CRYBG1: variants seen among roughly 807,000 people sequenced by gnomAD.
CRYBG1 encodes the protein beta/gamma crystallin domain-containing protein 1.
Under a neutral mutation model 189.2 loss-of-function variants are expected in CRYBG1, and 139 were observed. The ratio of observed to expected loss-of-function variants is 0.73; its 90% CI spans 0.64 to 0.85. CRYBG1 has a LOEUF of 0.85. CRYBG1 is among the 40% of genes least tolerant of loss of function. The pLI, the probability that CRYBG1 is intolerant of heterozygous loss-of-function variation, is 0.00. For synonymous variants in CRYBG1, 1,023 were observed against 1,017.1 expected (o/e 1.01, Z -0.11); for missense variants, 2,611 against 2,675.8 (o/e 0.98, Z 0.53).
At chr6:106,455,434 T>TGAG (rs1391085025) in intron 2 of CRYBG1, among the ~76,000 whole-genome samples, 1 of 151,700 alleles carries the variant, frequency 6.6e-6, no homozygotes, top group East Asian at 1.9e-4. Context: ...GATTCCACTA[T>TGAG]GAGGAGGTAT....
In CRYBG1 at chr6:106,543,531, A is replaced by C; in HGVS notation, c.4973A>C (p.Glu1658Ala). 6.2e-7 allele frequency: 1 copy of C among 1,614,140 alleles called. No individual in the cohort carries two copies. The highest frequency in any genetic ancestry group is 8.5e-7 in the Non-Finnish European group (1 of 1,179,974). The change falls in exon 11 of 22, where the codon GAA (glutamate) becomes GCA (alanine). Residue 1658 changes from glutamate to alanine, a missense_variant. Physicochemically the swap from Glu to Ala is moderately radical, Grantham distance 107 (BLOSUM62 -1). Transcript: ENST00000633556. ...CSFVMEGGET[E>A]EATGDDHLPF... ...TTTGTCATGGAGGGAGGTGAAACAG[A>C]AGAGGCGACTGGAGACGATCATTTG... is the stretch of plus-strand genomic sequence containing the variant.
Position 106,558,580 on chromosome 6 carries a change from T to G in CRYBG1, c.5810T>G (p.Leu1937Arg). ...LNAETVNLRS[L>R]GFNTQIRSVQ... ...GCAGAAACTGTCAATCTCCGATCCC[T>G]GGGATTCAACACACAAATACGCTCT... The change falls in exon 18 of 22, where the codon CTG (leucine) becomes CGG (arginine). Residue 1937 changes from leucine (L) to arginine (R), a missense_variant. Physicochemically the swap from Leu to Arg is moderately radical, Grantham distance 102 (BLOSUM62 -2). This residue lies in a region of CRYBG1 where 1,622 missense variants were observed against 1,735.0 expected (regional missense o/e 0.93). Transcript: ENST00000633556. 1 of 1,613,712 alleles carries G rather than the reference T, an allele frequency of 6.2e-7. No homozygotes were observed. The highest frequency in any genetic ancestry group is 8.5e-7 in the Non-Finnish European group (1 of 1,179,772).
At chr6:106,509,587 G>T (rs1773202538) in intron 2 of CRYBG1, among the ~76,000 whole-genome samples, 1 of 152,116 alleles carries the variant, frequency 6.6e-6, no homozygotes, top group African/African-American at 2.4e-5. Flanking sequence ...AAGACCAGGA[G>T]AGTCTTAGAA....
At chr6:106,413,913 C>T (rs1159394230) in intron 1 of CRYBG1, among the ~76,000 whole-genome samples, 1 of 152,152 alleles carries the variant, frequency 6.6e-6, no homozygotes, top group Non-Finnish European at 1.5e-5. Context: ...TTTAGGTTTT[C>T]TTGCAAAGGA....
chr6:106,465,498 G>A (rs1471678422), intron 2 of CRYBG1, among the ~76,000 whole-genome samples: 1 of 152,158 alleles, frequency 6.6e-6, no homozygotes, highest in East Asian at 1.9e-4. Flanking sequence ...TGAGGGGAGA[G>A]GAACTCAGGC....
At chr6:106,370,940 T>A (rs1345061708) in intron 1 of CRYBG1, among the ~76,000 whole-genome samples, 2 of 152,188 alleles carry the variant, frequency 1.3e-5, no homozygotes, top group Non-Finnish European at 2.9e-5. Flanking sequence ...ACCTATAGTC[T>A]GGTTATTGAC....
intron 9 of CRYBG1, among the ~76,000 whole-genome samples, chr6:106,540,705 T>G (rs1180827096): frequency 6.6e-6 from 1 of 152,114 alleles, no homozygotes; most frequent in African/African-American, 2.4e-5. Context: ...TTTTTTTGCT[T>G]GTTTTTTCAT....
In CRYBG1 at chr6:106,521,014, C is replaced by T; in HGVS notation, c.3806C>T (p.Ala1269Val). Residue 1269 changes from alanine (A) to valine (V), a missense_variant, in exon 4 of 22, where the codon GCT (alanine) becomes GTT (valine). Around this residue, in one of 3 missense-constraint regions of CRYBG1, gnomAD observed 1,622 missense variants for 1,735.0 expected, o/e 0.93. Transcript: ENST00000633556. Reference protein sequence around the residue: ...SVTSVNTMTTAFSTSQNGSLS... With the variant: ...SVTSVNTMTTVFSTSQNGSLS... ...ACATCAGTCAACACTATGACCACGG[C>T]TTTCAGTACTTCTCAGAACGGTTCC... is the stretch of plus-strand genomic sequence containing the variant. The T allele has an allele frequency of 6.2e-7, 1 of 1,614,182 alleles. No individual in the cohort carries two copies. Among genetic ancestry groups the T allele is most frequent in the Non-Finnish European group, 8.5e-7 (1 of 1,180,026 alleles).
chr6:106,489,734 A>AGGAGAATCGCTTGAACCCAGGAGGCGGAG (rs1554185983), intron 2 of CRYBG1, among the ~76,000 whole-genome samples: 2 of 146,948 alleles, frequency 1.4e-5, no homozygotes, highest in African/African-American at 2.5e-5. Context: ...ATGTTGATGC[A>AGGAGAATCGCTTGAACCCAGGAGGCGGAG]GTGAAACAAG....
chr6:106,484,715 G>T (rs991438588), intron 2 of CRYBG1, among the ~76,000 whole-genome samples: 15 of 152,060 alleles, frequency 9.9e-5, no homozygotes, highest in Non-Finnish European at 1.8e-4. Context: ...GCTGGGTGTG[G>T]TGGCTCATAA....
In CRYBG1 at chr6:106,553,605, G is replaced by C. The variant is rs377176765; in HGVS notation, c.5585+38G>C. 2.8e-4 allele frequency: 374 copies of C among 1,347,422 alleles called. 4 individuals carry two copies. The South Asian group carries it at 4.2e-3, about 15-fold the overall frequency. 83.5% of individuals were successfully genotyped at this position (1,347,422 alleles called of 1,614,324 possible). A position where few individuals can be genotyped will look rare whatever the true frequency, so the allele number is the denominator to read the frequency against. ...AAGGCCTGGCAGAGCTGAATCACTG[G>C]AGTAAAACAGAATTCACACATCAGC... On this transcript the variant is annotated intron_variant, in intron 16 of 21. Transcript: ENST00000633556.
chr6:106,493,743 T>C (rs957187778), intron 2 of CRYBG1, among the ~76,000 whole-genome samples: 2 of 152,124 alleles, frequency 1.3e-5, no homozygotes, highest in Non-Finnish European at 2.9e-5. Flanking sequence ...TTCTCACTTA[T>C]AAGTGGGATG....
chr6:106,389,351 G>A (rs1477141881), intron 1 of CRYBG1, among the ~76,000 whole-genome samples: 1 of 151,968 alleles, frequency 6.6e-6, no homozygotes, highest in Non-Finnish European at 1.5e-5. Context: ...ATTAAATTGG[G>A]CACCCTTGAT....
rs565063050 is a variant in CRYBG1 at position 106,539,578 on chromosome 6, C to T, written c.4845+49C>T. Reference sequence around the variant, plus strand: ...TTGTGGTGATTCTTTGTCAGCTTGACGTGGTAATTCACAGGGTGTGACTTT... The same window carrying T: ...TTGTGGTGATTCTTTGTCAGCTTGATGTGGTAATTCACAGGGTGTGACTTT... On this transcript the variant is annotated intron_variant, in intron 9 of 21. Transcript: ENST00000633556. 835 of 1,568,946 alleles carry T rather than the reference C, an allele frequency of 5.3e-4. 15 individuals carry two copies. In the South Asian group the frequency reaches 8.4e-3, roughly 16 times the overall value.
At chr6:106,521,908 T>C (rs1007790268) in intron 4 of CRYBG1, among the ~76,000 whole-genome samples, 1 of 151,798 alleles carries the variant, frequency 6.6e-6, no homozygotes, top group Admixed American at 6.6e-5. Flanking sequence ...TAGTAAAGAC[T>C]GAAAATACAA....
chr6:106,424,275 A>G (rs1421960141), intron 1 of CRYBG1, among the ~76,000 whole-genome samples: 3 of 152,160 alleles, frequency 2.0e-5, no homozygotes, highest in African/African-American at 7.2e-5. Context: ...TAATCAGTCA[A>G]TTGGCTTTTC....
chr6:106,528,175 C>T (rs1181351627), intron 7 of CRYBG1, among the ~76,000 whole-genome samples: 2 of 152,162 alleles, frequency 1.3e-5, no homozygotes, highest in African/African-American at 2.4e-5. Flanking sequence ...ACAGTTTTGG[C>T]AGAGGAAAGC....
At chr6:106,495,603 T>A (rs917945005) in intron 2 of CRYBG1, among the ~76,000 whole-genome samples, 3 of 152,020 alleles carry the variant, frequency 2.0e-5, no homozygotes, top group Admixed American at 6.6e-5. Flanking sequence ...TACCCTTGGA[T>A]ACTTTGGCTC....
chr6:106,519,027 T>C (rs1662802448), intron 3 of CRYBG1, 104 bp from the exon 4 acceptor site: 13 of 1,185,314 alleles, frequency 1.1e-5, no homozygotes, highest in Non-Finnish European at 1.5e-5. Context: ...AAATGTTATA[T>C]ATCAGGGAGA....
Sources: gnomAD v4.1 joint callset for allele counts (sites outside exome capture counted in the v4.1 genomes callset) on GRCh38, gnomAD v4.1.1 for gene constraint, gnomAD v4.1.1 regional missense constraint, MANE v1.5 for transcripts, NCBI Gene and HGNC (gene_info 2026-07-23, HGNC 2026-07-21) for gene names.